Variants in TENM1 observed in about 807,000 individuals in gnomAD.
TENM1 encodes the protein teneurin transmembrane protein 1, also known as teneurin-1.
TENM1 carries 35 observed loss-of-function variants against 174.8 expected under a neutral mutation model. The observed-to-expected ratio is 0.20, with a 90% CI of 0.15 to 0.27. The LOEUF (loss-of-function observed/expected upper bound fraction) is 0.27, where lower values mean the gene tolerates loss of function less well. TENM1 is among the 10% of genes least tolerant of loss of function. The probability of loss-of-function intolerance (pLI) is 1.00; values close to 1 mark genes in which losing one functional copy is unlikely to be tolerated. For missense variants in TENM1, 1,633 were observed against 2,130.1 expected (o/e 0.77, Z 4.59); for synonymous variants, 781 against 798.7 (o/e 0.98, Z 0.37).
At chrX:124,917,755 C>T (rs1379946207) in intron 1 of TENM1, among the ~76,000 whole-genome samples, 1 of 111,874 alleles carries the variant, frequency 8.9e-6, no homozygotes, top group East Asian at 2.8e-4. Flanking sequence ...CTGAACACCC[C>T]TGTCTAATTC....
chrX:124,797,677 G>C, intron 3 of TENM1, among the ~76,000 whole-genome samples: 1 of 108,937 alleles, frequency 9.2e-6, no homozygotes, highest in Non-Finnish European at 1.9e-5. Flanking sequence ...TAGCCGTAAA[G>C]GTTTTTTTTT....
At chrX:124,410,728 A>T (rs1023840315) in intron 25 of TENM1, among the ~76,000 whole-genome samples, 12 of 112,473 alleles carry the variant, frequency 1.1e-4, no homozygotes, top group African/African-American at 3.2e-5. Context: ...GACACTTCTC[A>T]AAAGAAGACA....
chrX:124,497,531 T>G (rs2147981862), intron 19 of TENM1, among the ~76,000 whole-genome samples: 1 of 111,109 alleles, frequency 9.0e-6, no homozygotes, highest in African/African-American at 3.3e-5. Context: ...TCTAAATGAC[T>G]CAATAAAGCA....
chrX:124,978,685 T>C, the TENM1 span, among the ~76,000 whole-genome samples: 1 of 111,815 alleles, frequency 8.9e-6, no homozygotes, highest in South Asian at 3.8e-4. Context: ...TGGTCAATGA[T>C]TGCGCAGAGG....
chrX:124,872,443 TA>T (rs1246880668), intron 3 of TENM1, among the ~76,000 whole-genome samples: 22 of 111,941 alleles, frequency 2.0e-4, no homozygotes, highest in Non-Finnish European at 1.3e-4. Context: ...ACCAACAAAC[TA>T]ACTTTTCACT....
At chrX:125,065,076 A>G in the TENM1 span, among the ~76,000 whole-genome samples, 2 of 112,266 alleles carry the variant, frequency 1.8e-5, no homozygotes, top group African/African-American at 3.2e-5. Flanking sequence ...GAATTGTAAC[A>G]GGGGATGAAA....
the TENM1 span, among the ~76,000 whole-genome samples, chrX:125,100,393 C>T: frequency 1.9e-4 from 21 of 111,110 alleles, no homozygotes; most frequent in Non-Finnish European, 1.9e-4. Flanking sequence ...CTAAAATGGA[C>T]GATACAAAAG....
At chrX:124,775,948 A>G (rs184502493) in intron 3 of TENM1, among the ~76,000 whole-genome samples, 7 of 112,071 alleles carry the variant, frequency 6.2e-5, no homozygotes, top group African/African-American at 2.3e-4. Flanking sequence ...GAATTTTGAT[A>G]TATGAAGGGG....
chrX:124,977,310 T>C, the TENM1 span, among the ~76,000 whole-genome samples: 39 of 112,004 alleles, frequency 3.5e-4, 2 homozygotes, highest in African/African-American at 1.2e-3. Flanking sequence ...CTAGGCTGTC[T>C]GTTGTTTTGA....
At chrX:124,881,701 TTTGTTG>T (rs745628080) in intron 3 of TENM1, among the ~76,000 whole-genome samples, 183 of 109,670 alleles carry the variant, frequency 1.7e-3, no homozygotes, top group African/African-American at 5.2e-3. Flanking sequence ...TCCCATAGTT[TTTGTTG>T]TTGTTGTTGT....
the TENM1 span, among the ~76,000 whole-genome samples, chrX:125,022,479 C>T: frequency 3.6e-5 from 4 of 111,648 alleles, no homozygotes; most frequent in African/African-American, 9.7e-5. Context: ...AGGTTAACTC[C>T]TCAGAGGTTC....
intron 11 of TENM1, among the ~76,000 whole-genome samples, chrX:124,606,798 C>T (rs548030781): frequency 1.1e-4 from 12 of 111,590 alleles, no homozygotes; most frequent in African/African-American, 3.9e-4. Flanking sequence ...ATGCTTTGAG[C>T]TTTAATTTCT....
At chrX:124,515,650 T>C (rs1347927066) in intron 18 of TENM1, among the ~76,000 whole-genome samples, 1 of 108,516 alleles carries the variant, frequency 9.2e-6, no homozygotes, top group Non-Finnish European at 1.9e-5. Context: ...AGGTGAAAAA[T>C]CTCTCAAAGA....
At chrX:125,141,586 C>T in the TENM1 span, among the ~76,000 whole-genome samples, 2 of 110,557 alleles carry the variant, frequency 1.8e-5, no homozygotes, top group Non-Finnish European at 3.8e-5. Context: ...TAAGACTGTG[C>T]AACAGTGAAG....
chrX:124,463,586 T>C (rs1032795722), intron 22 of TENM1, among the ~76,000 whole-genome samples: 1 of 111,101 alleles, frequency 9.0e-6, no homozygotes, highest in African/African-American at 3.3e-5. Context: ...ATAGAGACAA[T>C]TCAGTAGTTG....
chrX:125,044,878 A>G, the TENM1 span, among the ~76,000 whole-genome samples: 20 of 111,720 alleles, frequency 1.8e-4, no homozygotes, highest in Non-Finnish European at 3.0e-4. Flanking sequence ...AACAATAAAT[A>G]TTTGGAATTA....
At chrX:124,382,612 G>A in intron 31 of TENM1, 58 bp downstream of exon 34, 2 of 1,089,790 alleles carry the variant, frequency 1.8e-6, no homozygotes, top group Non-Finnish European at 2.5e-6. Flanking sequence ...ATAATTTCTG[G>A]GTATTGAATG....
the TENM1 span, among the ~76,000 whole-genome samples, chrX:124,987,701 T>TTGTG: frequency 0.038 from 3,515 of 91,332 alleles, 89 homozygotes; most frequent in East Asian, 0.087. Flanking sequence ...GTTCTGCATT[T>TTGTG]TGTGTGTGTG....
At chrX:124,712,327 A>G (rs139588967) in intron 4 of TENM1, among the ~76,000 whole-genome samples, 49 of 110,268 alleles carry the variant, frequency 4.4e-4, no homozygotes, top group African/African-American at 1.6e-3. Context: ...AAGGGTTCCA[A>G]TTTCTCCACA....
Sources: gnomAD v4.1 joint callset for allele counts (sites outside exome capture counted in the v4.1 genomes callset) on GRCh38, gnomAD v4.1.1 for gene constraint, MANE v1.5 for transcripts, NCBI Gene and HGNC (gene_info 2026-07-23, HGNC 2026-07-21) for gene names.